The following CLDN10 variants were observed in gnomAD, a reference collection of about 807,000 sequenced individuals.
CLDN10 encodes claudin-10.
In CLDN10, 15 loss-of-function variants were observed where a neutral mutation model predicts 22.9. The observed-to-expected ratio is 0.65, with a 90% CI of 0.44 to 1.01. The LOEUF (loss-of-function observed/expected upper bound fraction) is 1.01, where lower values mean the gene tolerates loss of function less well. CLDN10 is among the 50% of genes least tolerant of loss of function. The pLI is 0.00. For synonymous variants in CLDN10, 114 were observed against 111.4 expected, an observed-to-expected ratio of 1.02 and a Z score of -0.15; for missense variants, 247 against 287.8, an observed-to-expected ratio of 0.86 and a Z score of 1.03.
At chr13:95,508,072 A>C (rs1308000391) in intron 1 of CLDN10, among the ~76,000 whole-genome samples, 1 of 152,164 alleles carries the variant, frequency 6.6e-6, no homozygotes, top group Non-Finnish European at 1.5e-5. Flanking sequence ...TGGGTGACAG[A>C]GCATGACCCT....
chr13:95,508,735 A>G (rs9516592), intron 1 of CLDN10, among the ~76,000 whole-genome samples: 77,216 of 152,044 alleles, frequency 0.51, 20,173 homozygotes, highest in Non-Finnish European at 0.56. Context: ...GTGATTGTTA[A>G]CTGAATCCTG....
chr13:95,476,008 C>A (rs968963024), intron 1 of CLDN10, among the ~76,000 whole-genome samples: 1 of 152,136 alleles, frequency 6.6e-6, no homozygotes, highest in African/African-American at 2.4e-5. Context: ...AATTCCACCC[C>A]CATCGCCCAG....
At position 95,532,792 on chromosome 13, in the gene CLDN10, CAAAAAA is replaced by C. The variant is rs57500288; in HGVS notation, c.215-27323_215-27318del. Among the ~76,000 whole-genome samples the C allele has an allele frequency of 1.6e-4, 10 of 62,020 alleles. No individual in the cohort carries two copies. In the Middle Eastern group the frequency reaches 0.06, roughly 372 times the overall value. The allele number at this position is 62,020 out of a possible 152,430, so 40.7% of individuals were successfully genotyped here. A position where few individuals can be genotyped will look rare whatever the true frequency, so the allele number is the denominator to read the frequency against. On this transcript the variant is annotated intron_variant, in intron 1 of 4. Transcript: ENST00000376873. ...CTTCAGATACTGGAACTCAATTCAG[CAAAAAA>C]AAAAAAAAAAAAAAAAGAAGACATG...
At chr13:95,474,307 G>A (rs1008975013) in intron 1 of CLDN10, among the ~76,000 whole-genome samples, 1 of 152,164 alleles carries the variant, frequency 6.6e-6, no homozygotes, top group African/African-American at 2.4e-5. Flanking sequence ...AGAATCTAAT[G>A]CCCAGCTGAT....
At chr13:95,565,130 GA>G (rs202000245) in intron 3 of CLDN10, among the ~76,000 whole-genome samples, 395 of 146,312 alleles carry the variant, frequency 2.7e-3, no homozygotes, top group Admixed American at 3.7e-3. Context: ...TAACAAATCT[GA>G]AAAAAAAAAA....
At chr13:95,435,981 A>G (rs2042266349) in intron 1 of CLDN10, among the ~76,000 whole-genome samples, 1 of 151,792 alleles carries the variant, frequency 6.6e-6, no homozygotes, top group South Asian at 2.1e-4. Flanking sequence ...AAAAAAGAAA[A>G]TTGTCTTAAT....
chr13:95,555,047 G>GTTTTTT lies in CLDN10; in HGVS notation c.220+2089_220+2094dup, dbSNP rs71211686. ...ATTCTCACCACTCTGTGTTAATCCA[G>GTTTTTT]TTTTTTTTTTTTTTTTTTTTGAGAC... On this transcript the variant is annotated intron_variant, in intron 1 of 4. Transcript: ENST00000299339. 7.0e-3 allele frequency among the ~76,000 whole-genome samples: 755 copies of GTTTTTT among 108,360 alleles called. 9 individuals are homozygous for GTTTTTT. The highest frequency in any genetic ancestry group is 0.012 in the Middle Eastern group (2 of 170). 71.1% of individuals were successfully genotyped at this position (108,360 alleles called of 152,430 possible). A position where few individuals can be genotyped will look rare whatever the true frequency, so the allele number is the denominator to read the frequency against.
At chr13:95,475,851 T>C (rs75688076) in intron 1 of CLDN10, among the ~76,000 whole-genome samples, 13,434 of 151,720 alleles carry the variant, frequency 0.089, 843 homozygotes, top group South Asian at 0.23. Context: ...TCTCTCTCTC[T>C]CCCTCACCCT....
intron 1 of CLDN10, among the ~76,000 whole-genome samples, chr13:95,490,277 G>A (rs2042858376): frequency 6.6e-6 from 1 of 151,910 alleles, no homozygotes; most frequent in African/African-American, 2.4e-5. Context: ...ATTTTGATGG[G>A]GATTGCATTG....
At chr13:95,491,680 T>A (rs2042873210) in intron 1 of CLDN10, among the ~76,000 whole-genome samples, 1 of 152,134 alleles carries the variant, frequency 6.6e-6, no homozygotes, top group Non-Finnish European at 1.5e-5. Flanking sequence ...CCGGGATTTC[T>A]TCTTGGTTTG....
At chr13:95,471,440 C>CATATATAT (rs1555289814) in intron 1 of CLDN10, among the ~76,000 whole-genome samples, 1 of 104,404 alleles carries the variant, frequency 9.6e-6, no homozygotes, top group African/African-American at 4.0e-5. Context: ...CACACACACA[C>CATATATAT]ATATATATAT....
chr13:95,468,219 T>TTTGTTTG (rs2042598009), intron 1 of CLDN10, among the ~76,000 whole-genome samples: 4 of 151,234 alleles, frequency 2.6e-5, no homozygotes, highest in African/African-American at 9.7e-5. Flanking sequence ...TTCTTCCTGT[T>TTTGTTTG]TTTGTTTGTT....
intron 1 of CLDN10, among the ~76,000 whole-genome samples, chr13:95,435,678 A>C (rs907219023): frequency 6.6e-6 from 1 of 151,932 alleles, no homozygotes; most frequent in African/African-American, 2.4e-5. Flanking sequence ...GTGTGTGGAG[A>C]CCCTCTTGTC....
At chr13:95,479,503 T>C (rs1218030926) in intron 1 of CLDN10, 2 of 152,218 alleles carry the variant, frequency 1.3e-5, no homozygotes, top group Non-Finnish European at 2.9e-5. Flanking sequence ...TTTTAAAAAA[T>C]ACTTCGCTAT....
chr13:95,459,997 T>A (rs926400312), intron 1 of CLDN10, among the ~76,000 whole-genome samples: 1 of 152,218 alleles, frequency 6.6e-6, no homozygotes, highest in Non-Finnish European at 1.5e-5. Flanking sequence ...CCAGATACCC[T>A]AAATCATCTC....
intron 1 of CLDN10, among the ~76,000 whole-genome samples, chr13:95,475,601 C>A (rs748382067): frequency 2.0e-5 from 3 of 152,172 alleles, no homozygotes; most frequent in Non-Finnish European, 4.4e-5. Flanking sequence ...CTGTTTGCCC[C>A]AATGGCCTCT....
intron 1 of CLDN10, among the ~76,000 whole-genome samples, chr13:95,489,024 T>A (rs2042839298): frequency 6.8e-6 from 1 of 147,166 alleles, no homozygotes; most frequent in Non-Finnish European, 1.5e-5. Flanking sequence ...TGATCTCTGC[T>A]CACTGCAACC....
chr13:95,497,360 G>A (rs1236206817), intron 1 of CLDN10, among the ~76,000 whole-genome samples: 1 of 152,142 alleles, frequency 6.6e-6, no homozygotes, highest in Non-Finnish European at 1.5e-5. Context: ...CACAAGAGAA[G>A]CCATGGCAAG....
chr13:95,578,004 C>T lies in CLDN10; in HGVS notation c.677C>T (p.Ala226Val), dbSNP rs749474744. The T allele has an allele frequency of 1.2e-6, 2 of 1,603,286 alleles. No individual in the cohort carries two copies. Among genetic ancestry groups the T allele is most frequent in the Non-Finnish European group, 1.7e-6 (2 of 1,170,764 alleles). The change falls in exon 5 of 5, where the codon GCT becomes GTT. Residue 226 changes from alanine (A) to valine (V), a missense_variant. Physicochemically the swap from Ala to Val is moderately conservative, Grantham distance 64. Coordinates refer to ENST00000299339, the MANE Select transcript of CLDN10 (RefSeq NM_006984.5). Reference protein sequence around the residue: ...TNPSKQFDKNAYV With the variant: ...TNPSKQFDKNVYV ...CCTTCAAAACAGTTTGATAAAAATG[C>T]TTATGTCTAAAAGAGCTCGCTGGCA... is the stretch of plus-strand genomic sequence containing the variant.
Sources: gnomAD v4.1 joint callset for allele counts (sites outside exome capture counted in the v4.1 genomes callset) on GRCh38, gnomAD v4.1.1 for gene constraint, MANE v1.5 for transcripts, NCBI Gene and HGNC (gene_info 2026-07-23, HGNC 2026-07-21) for gene names.